Variants in ACYP2 observed in about 807,000 individuals in gnomAD.
ACYP2 encodes the protein acylphosphatase-2.
A neutral mutation model predicts 11.2 loss-of-function variants in ACYP2; 12 were observed. That is an observed-to-expected ratio of 1.08 (90% CI 0.69 to 1.74). ACYP2 has a LOEUF of 1.74. Ranked by LOEUF, ACYP2 falls within the 40% of genes most tolerant of loss-of-function variation. The pLI is 0.00. For missense variants in ACYP2, 134 were observed against 101.9 expected (o/e 1.31, Z -1.35); for synonymous variants, 43 against 32.2 (o/e 1.33, Z -1.13).
intron 4 of ACYP2, among the ~76,000 whole-genome samples, chr2:54,114,813 G>GAA (rs58626990): frequency 0.068 from 10,403 of 152,264 alleles, 519 homozygotes; most frequent in East Asian, 0.29. Context: ...TCTTATCCCA[G>GAA]AAAATATCAC....
Position 54,273,815 on chromosome 2 carries a change from C to T in ACYP2, c.405-30873C>T, listed in dbSNP as rs112311826. ...AATTCTGAACAGATATTCCAATAAC[C>T]TTCCTGCCCTCCACCTCATCCCAGC... is the stretch of plus-strand genomic sequence containing the variant. On this transcript the variant is annotated intron_variant, in intron 6 of 6. Transcript: ENST00000607452. 5.2e-3 allele frequency among the ~76,000 whole-genome samples: 796 copies of T among 152,272 alleles called. 8 individuals are homozygous for T. Among genetic ancestry groups the T allele is most frequent in the African/African-American group, 0.018 (752 of 41,554 alleles).
At chr2:54,149,627 A>G (rs1258458189) in intron 6 of ACYP2, among the ~76,000 whole-genome samples, 1 of 152,232 alleles carries the variant, frequency 6.6e-6, no homozygotes, top group Non-Finnish European at 1.5e-5. Flanking sequence ...TATTTTCCAT[A>G]AAGACTCAAT....
intron 2 of ACYP2, among the ~76,000 whole-genome samples, chr2:53,980,751 A>G (rs1042247788): frequency 6.7e-6 from 1 of 150,110 alleles, no homozygotes; most frequent in Non-Finnish European, 1.5e-5. Flanking sequence ...GTATAGGTGT[A>G]CTTTTTTTTT....
chr2:54,255,958 G>A (rs752076313), intron 6 of ACYP2: 2 of 1,614,066 alleles, frequency 1.2e-6, no homozygotes, highest in Non-Finnish European at 1.7e-6. Flanking sequence ...GCCACCATCT[G>A]CGGGATCCTG....
At chr2:54,052,510 G>T (rs1048458966) in intron 3 of ACYP2, among the ~76,000 whole-genome samples, 29 of 152,206 alleles carry the variant, frequency 1.9e-4, no homozygotes, top group Admixed American at 1.1e-3. Context: ...ATCTTCAGTT[G>T]TCTCTGTTGC....
chr2:54,024,362 T>TCA (rs1286257912), intron 2 of ACYP2, among the ~76,000 whole-genome samples: 1 of 152,032 alleles, frequency 6.6e-6, no homozygotes, highest in African/African-American at 2.4e-5. Context: ...CAAGACTCTG[T>TCA]CACACACACA....
chr2:54,194,092 G>A (rs2103892508), intron 6 of ACYP2, among the ~76,000 whole-genome samples: 1 of 152,160 alleles, frequency 6.6e-6, no homozygotes, highest in South Asian at 2.1e-4. Context: ...AGGCTGGAGT[G>A]CAATGGCACG....
At chr2:54,203,980 GT>G (rs1034792383) in intron 6 of ACYP2, among the ~76,000 whole-genome samples, 1 of 152,058 alleles carries the variant, frequency 6.6e-6, no homozygotes, top group Non-Finnish European at 1.5e-5. Flanking sequence ...ACATTATGAG[GT>G]TTTTGTTGTT....
intron 1 of ACYP2, among the ~76,000 whole-genome samples, chr2:53,972,377 C>G (rs997408334): frequency 3.3e-5 from 5 of 151,300 alleles, no homozygotes; most frequent in Non-Finnish European, 7.4e-5. Context: ...GAGGCCGAGG[C>G]GGGTGGATCA....
chr2:54,137,726 ACTG>A (rs1317153605), intron 5 of ACYP2, among the ~76,000 whole-genome samples: 2 of 152,306 alleles, frequency 1.3e-5, no homozygotes, highest in East Asian at 3.9e-4. Context: ...TATTGTGAAT[ACTG>A]CTGTAGTGAA....
intron 4 of ACYP2, among the ~76,000 whole-genome samples, chr2:54,126,548 C>T (rs1680517927): frequency 7.8e-6 from 1 of 128,178 alleles, no homozygotes; most frequent in South Asian, 2.5e-4. Flanking sequence ...TACATACATA[C>T]ACAATACTAA....
intron 6 of ACYP2, among the ~76,000 whole-genome samples, chr2:54,165,531 T>TCACACACA (rs1381014533): frequency 5.0e-5 from 6 of 119,564 alleles, no homozygotes; most frequent in Non-Finnish European, 7.6e-5. Context: ...TCTCTCTCTC[T>TCACACACA]CTCTCACACA....
At position 53,992,136 on chromosome 2, in the gene ACYP2, T is replaced by C. The variant is rs375746997; in HGVS notation, c.62+18326T>C. On this transcript the variant is annotated intron_variant, in intron 2 of 6. Coordinates refer to ENST00000607452, the MANE Select transcript of ACYP2 (RefSeq NM_001320586.2). ...CCTCTCTCCCTTTCTTCCTTCTTTC[T>C]TCCTTCCTTTCTTTCTTTCCTTCCT... Among the ~76,000 whole-genome samples, 28 of 150,142 alleles carry C rather than the reference T, an allele frequency of 1.9e-4. No homozygotes were observed. In the South Asian group the frequency reaches 4.5e-3, roughly 24 times the overall value.
intron 4 of ACYP2, among the ~76,000 whole-genome samples, chr2:54,084,063 A>G (rs1364998782): frequency 6.6e-6 from 1 of 152,196 alleles, no homozygotes; most frequent in African/African-American, 2.4e-5. Flanking sequence ...TATAATTTCC[A>G]ATTTATTTTT....
intron 6 of ACYP2, among the ~76,000 whole-genome samples, chr2:54,276,661 AC>A (rs1558662935): frequency 5.1e-4 from 68 of 134,326 alleles, no homozygotes; most frequent in African/African-American, 1.9e-3. Context: ...ACACACACAC[AC>A]CACACACAAG....
At chr2:54,197,882 G>T (rs1012122298) in intron 6 of ACYP2, among the ~76,000 whole-genome samples, 7 of 151,806 alleles carry the variant, frequency 4.6e-5, no homozygotes, top group Non-Finnish European at 1.0e-4. Flanking sequence ...GGGTTCAAGT[G>T]ATCTGCTTAG....
At chr2:54,069,662 AAAAAAAC>A (rs1161290601) in intron 4 of ACYP2, among the ~76,000 whole-genome samples, 2 of 152,050 alleles carry the variant, frequency 1.3e-5, no homozygotes, top group Non-Finnish European at 2.9e-5. Flanking sequence ...ACTCCGTCTC[AAAAAAAC>A]AAAAAACAAA....
chr2:54,044,598 C>T (rs922085325), intron 2 of ACYP2, among the ~76,000 whole-genome samples: 3 of 150,632 alleles, frequency 2.0e-5, no homozygotes, highest in Non-Finnish European at 3.0e-5. Flanking sequence ...CACTCCTGCC[C>T]GCCCCTCTCA....
chr2:54,136,569 T>TA (rs1448567712), intron 5 of ACYP2, among the ~76,000 whole-genome samples: 1 of 152,228 alleles, frequency 6.6e-6, no homozygotes, highest in East Asian at 1.9e-4. Flanking sequence ...GGCCACGTCT[T>TA]ACATCAGTCT....
Sources: gnomAD v4.1 joint callset for allele counts (sites outside exome capture counted in the v4.1 genomes callset) on GRCh38, gnomAD v4.1.1 for gene constraint, MANE v1.5 for transcripts, NCBI Gene and HGNC (gene_info 2026-07-23, HGNC 2026-07-21) for gene names.